ZNF839: variants seen among roughly 807,000 people sequenced by gnomAD.
ZNF839 encodes zinc finger protein 839.
ZNF839 carries 38 observed loss-of-function variants against 56.4 expected under a neutral mutation model. That is an observed-to-expected ratio of 0.67 (90% CI 0.52 to 0.88). The LOEUF (loss-of-function observed/expected upper bound fraction) is 0.88. Among genes scored for constraint, ZNF839 ranks in the 40% least tolerant of loss-of-function variants. The probability of loss-of-function intolerance (pLI) is 0.00; values close to 1 mark genes in which losing one functional copy is unlikely to be tolerated. For missense variants in ZNF839, 1,091 were observed against 1,177.6 expected, an observed-to-expected ratio of 0.93 and a Z score of 1.08; for synonymous variants, 486 against 493.5, an observed-to-expected ratio of 0.98 and a Z score of 0.20.
chr14:102,323,337 C>T (rs2139461436), intron 1 of ZNF839, among the ~76,000 whole-genome samples: 1 of 152,320 alleles, frequency 6.6e-6, no homozygotes, highest in Middle Eastern at 3.4e-3. Context: ...GGAAATCGTG[C>T]TCTGGATGAT....
Position 102,326,830 on chromosome 14 carries a change from A to T in ZNF839, c.1134A>T (p.Pro378=), listed in dbSNP as rs375295594. The T allele has an allele frequency of 6.2e-7, 1 of 1,610,822 alleles. No individual in the cohort carries two copies. The highest frequency in any genetic ancestry group is 8.5e-7 in the Non-Finnish European group (1 of 1,178,324). ...TGGGGCTGTCCATGCCAGCGGATCC[A>T]TGTGAGGGAGGGGCCCGCTCCTGCT... ...TSLGLSMPAD[P]CEGGARSCLV... The change falls in exon 2 of 8, where the codon CCA becomes CCT. Residue 378 remains proline (P), a synonymous_variant. Transcript: ENST00000442396. The surrounding 1 kb of genome is among the most constrained non-coding windows in gnomAD (Gnocchi z 4.3).
At chr14:102,325,205 A>G (rs914817465) in intron 1 of ZNF839, among the ~76,000 whole-genome samples, 1 of 151,754 alleles carries the variant, frequency 6.6e-6, no homozygotes, top group Non-Finnish European at 1.5e-5. Flanking sequence ...AAAATACAAA[A>G]ATTAGCTGGG....
intron 2 of ZNF839, among the ~76,000 whole-genome samples, chr14:102,327,562 T>G (rs539601233): frequency 8.9e-4 from 136 of 152,308 alleles, no homozygotes; most frequent in African/African-American, 3.1e-3. Flanking sequence ...CCTCTAACTT[T>G]GGAGATTGCA....
chr14:102,326,128 T>C lies in ZNF839; in HGVS notation c.432T>C (p.His144=), dbSNP rs900325139. 8 of 1,613,910 alleles carry C rather than the reference T, an allele frequency of 5.0e-6. No individual in the cohort carries two copies. The highest frequency in any genetic ancestry group is 4.2e-6 in the Non-Finnish European group (5 of 1,179,860). The change falls in exon 2 of 8, where the codon CAT becomes CAC. Residue 144 remains histidine (H), a synonymous_variant. Coordinates refer to ENST00000442396, the MANE Select transcript of ZNF839 (RefSeq NM_018335.6). This position sits in a 1 kb window ranked among gnomAD's most constrained non-coding sequence, Gnocchi z 4.3. ...GGAATTCCTGCCTGGTGGGGCTCCA[T>C]ATCGCCAGCCCTCAGCTGCTCAGGG... The part of the protein sequence containing the change: ...PRGNSCLVGL[H]IASPQLLRVQ...
At chr14:102,325,940 T>G (rs181965218) in intron 1 of ZNF839, 45 bp from the exon 2 acceptor site, 1 of 1,577,220 alleles carries the variant, frequency 6.3e-7, no homozygotes, top group East Asian at 2.3e-5. Flanking sequence ...GACATGTTCA[T>G]AAGCACAATG....
At position 102,335,999 on chromosome 14, in the gene ZNF839, C is replaced by T. The variant is rs550367437; in HGVS notation, c.1659+161C>T. On this transcript the variant is annotated intron_variant, in intron 5 of 7. Transcript: ENST00000442396. ...TTTGAGACCAGCCTGGCCAACATGA[C>T]AAAACTCAGTCTCTACTAAAAATAC... Among the ~76,000 whole-genome samples, 3 of 152,208 alleles carry T rather than the reference C, an allele frequency of 2.0e-5. No individual in the cohort carries two copies. In the South Asian group the frequency reaches 6.2e-4, roughly 32 times the overall value.
chr14:102,331,878 C>G, intron 3 of ZNF839, 32 bp downstream of exon 3: 1 of 1,511,280 alleles, frequency 6.6e-7, no homozygotes, highest in Non-Finnish European at 8.9e-7. Flanking sequence ...TGCTTGAAAC[C>G]CGTGTCTTTA....
rs1228649529 is a variant in ZNF839, at chr14:102,342,189, C to T, written c.*10C>T. 1.9e-6 allele frequency: 3 copies of T among 1,593,810 alleles called. No homozygotes were observed. Among genetic ancestry groups the T allele is most frequent in the Admixed American group, 1.7e-5 (1 of 58,372 alleles). The stretch of plus-strand genomic sequence containing the variant: ...CGGATGGGCCCGCTAGAAGGAGTTC[C>T]TCTAGAAGCTGTGGAGTCGGTCGTC... On this transcript the variant is annotated 3_prime_UTR_variant, in exon 8 of 8. Transcript: ENST00000442396.
Position 102,326,769 on chromosome 14 carries a change from G to A in ZNF839, c.1073G>A (p.Gly358Glu). ...SEKASGSTLR[G>E]CTEERTLSLT... Reference sequence around the variant, plus strand: ...AAAGCCAGTGGAAGCACCCTCCGGGGGTGCACGGAGGAAAGGACGCTCAGC... The same window carrying A: ...AAAGCCAGTGGAAGCACCCTCCGGGAGTGCACGGAGGAAAGGACGCTCAGC... Residue 358 changes from glycine to glutamate, a missense_variant, in exon 2 of 8, where the codon GGG (glycine) becomes GAG (glutamate). Physicochemically the swap from Gly to Glu is moderately conservative, Grantham distance 98 (BLOSUM62 -2). Around this residue, in one of 3 missense-constraint regions of ZNF839, gnomAD observed 614 missense variants for 629.2 expected, o/e 0.98. Transcript: ENST00000442396. This position sits in a 1 kb window ranked among gnomAD's most constrained non-coding sequence, Gnocchi z 4.3. 2 of 1,612,768 alleles carry A rather than the reference G, an allele frequency of 1.2e-6. No individual in the cohort carries two copies. Among genetic ancestry groups the A allele is most frequent in the Non-Finnish European group, 1.7e-6 (2 of 1,179,464 alleles).
intron 1 of ZNF839, among the ~76,000 whole-genome samples, chr14:102,324,145 A>C (rs900883141): frequency 1.4e-4 from 21 of 152,162 alleles, no homozygotes; most frequent in Non-Finnish European, 2.9e-5. Context: ...ATTGTTCCTT[A>C]TGGCTTTGTT....
At chr14:102,317,877 C>T (rs1484971161), upstream of ZNF839, among the ~76,000 whole-genome samples, 5 of 152,160 alleles carry the variant, frequency 3.3e-5, no homozygotes, top group African/African-American at 9.7e-5. Flanking sequence ...ATTTCTCACT[C>T]GGTTCGTTTC....
intron 3 of ZNF839, among the ~76,000 whole-genome samples, chr14:102,333,240 G>GCT (rs2073867199): frequency 6.7e-6 from 1 of 148,938 alleles, no homozygotes; most frequent in African/African-American, 2.5e-5. Context: ...TCAATCTCTT[G>GCT]CTCTCTCTCT....
chr14:102,326,089 C>T lies in ZNF839; in HGVS notation c.393C>T (p.Ser131=). 6.2e-7 allele frequency: 1 copy of T among 1,613,896 alleles called. No individual in the cohort carries two copies. The highest frequency in any genetic ancestry group is 8.5e-7 in the Non-Finnish European group (1 of 1,179,840). The change falls in exon 2 of 8, where the codon AGC becomes AGT. Residue 131 remains serine, a synonymous_variant. Coordinates refer to ENST00000442396, the MANE Select transcript of ZNF839 (RefSeq NM_018335.6). The surrounding 1 kb of genome is among the most constrained non-coding windows in gnomAD (Gnocchi z 4.3). Reference sequence around the variant, plus strand: ...TCCAGCCCCAAACTGCAAGAAAGAGCCAGCTGCCCCGGGGGAATTCCTGCC... The same window carrying T: ...TCCAGCCCCAAACTGCAAGAAAGAGTCAGCTGCCCCGGGGGAATTCCTGCC... The part of the protein sequence containing the change: ...TTIQPQTARK[S]QLPRGNSCLV...
At chr14:102,318,355 G>A (rs547254059), upstream of ZNF839, among the ~76,000 whole-genome samples, 20 of 152,300 alleles carry the variant, frequency 1.3e-4, no homozygotes, top group South Asian at 4.1e-3. Flanking sequence ...AAATCTGGTC[G>A]GGTGTGGTGG....
rs1034260743 is a variant in ZNF839 at position 102,326,884 on chromosome 14, G to C, written c.1188G>C (p.Leu396=). 7.5e-6 allele frequency: 12 copies of C among 1,592,216 alleles called. No homozygotes were observed. In the Admixed American group the frequency reaches 1.2e-4, roughly 16 times the overall value. ...CLVTESARGG[L]QNGQSVDVEE... is the part of the protein sequence containing the mutation. ...TGACAGAGTCAGCACGCGGTGGCCT[G>C]CAGGTAATGTTTCTGTCTGGGTATG... Residue 396 remains leucine, a synonymous_variant, in exon 2 of 8, where the codon CTG becomes CTC. Coordinates refer to ENST00000442396, the MANE Select transcript of ZNF839 (RefSeq NM_018335.6). The surrounding 1 kb of genome is among the most constrained non-coding windows in gnomAD (Gnocchi z 4.3).
In ZNF839 at chr14:102,342,344, T is replaced by G. The variant is rs1886631271; in HGVS notation, c.*165T>G. On this transcript the variant is annotated 3_prime_UTR_variant, in exon 8 of 8. Coordinates refer to ENST00000442396, the MANE Select transcript of ZNF839 (RefSeq NM_018335.6). ...AATATTGCACAGATGAACCTTTTAT[T>G]TATAAAGAATAATGTCTTTCTGCCC... 1.1e-5 allele frequency: 9 copies of G among 789,846 alleles called. 1 individual carries two copies. Among genetic ancestry groups the G allele is most frequent in the Non-Finnish European group, 1.3e-5 (7 of 521,090 alleles). The allele number at this position is 789,846 out of a possible 1,614,324, so 48.9% of individuals were successfully genotyped here.
chr14:102,338,194 CATT>C (rs1402478493), intron 5 of ZNF839, among the ~76,000 whole-genome samples: 4 of 152,230 alleles, frequency 2.6e-5, no homozygotes, highest in Non-Finnish European at 4.4e-5. Flanking sequence ...TATCAGCTAA[CATT>C]ATTAAGCTCG....
intron 1 of ZNF839, among the ~76,000 whole-genome samples, chr14:102,323,966 A>T (rs1373834115): frequency 6.6e-6 from 1 of 152,256 alleles, no homozygotes; most frequent in Non-Finnish European, 1.5e-5. Context: ...GTTGCAGGAG[A>T]TGATATCATT....
chr14:102,324,246 C>A (rs975124502), intron 1 of ZNF839, among the ~76,000 whole-genome samples: 1 of 152,008 alleles, frequency 6.6e-6, no homozygotes, highest in Non-Finnish European at 1.5e-5. Flanking sequence ...AAACTCCAAG[C>A]AAAAACACAT....
Sources: gnomAD v4.1 joint callset for allele counts (sites outside exome capture counted in the v4.1 genomes callset) on GRCh38, gnomAD v4.1.1 for gene constraint, gnomAD v4.1.1 regional missense constraint, Gnocchi (gnomAD v3.1) non-coding constraint, MANE v1.5 for transcripts, NCBI Gene and HGNC (gene_info 2026-07-23, HGNC 2026-07-21) for gene names.